The following ZNF143 variants were observed in gnomAD, a reference collection of about 807,000 sequenced individuals.
The protein encoded by ZNF143 is zinc finger protein 143.
Under a neutral mutation model 74.1 loss-of-function variants are expected in ZNF143, and 49 were observed. That is an observed-to-expected ratio of 0.66 (90% confidence interval 0.53 to 0.84). The LOEUF (loss-of-function observed/expected upper bound fraction) is 0.84. Among genes scored for constraint, ZNF143 ranks in the 40% least tolerant of loss-of-function variants. The pLI is 0.00. For missense variants in ZNF143, 637 were observed against 793.4 expected (o/e 0.80, Z 2.37); for synonymous variants, 304 against 282.8 (o/e 1.07, Z -0.75).
intron 10 of ZNF143, among the ~76,000 whole-genome samples, chr11:9,500,520 G>A (rs950556980): frequency 1.3e-5 from 2 of 151,508 alleles, no homozygotes; most frequent in South Asian, 2.1e-4. Flanking sequence ...TGCAACCTCC[G>A]CCTCTTGAGT....
intron 11 of ZNF143, among the ~76,000 whole-genome samples, chr11:9,508,145 A>G (rs994630189): frequency 6.6e-6 from 1 of 152,220 alleles, no homozygotes; most frequent in Non-Finnish European, 1.5e-5. Context: ...TAAATGAAAC[A>G]TGTTTGTCCT....
rs1166945674 is a variant in ZNF143, at chr11:9,497,598, T to G, written c.842-77T>G. 3 of 1,163,950 alleles carry G rather than the reference T, an allele frequency of 2.6e-6. No individual in the cohort carries two copies. The African/African-American group carries it at 4.8e-5, about 19-fold the overall frequency. 72.1% of individuals were successfully genotyped at this position (1,163,950 alleles called of 1,614,324 possible). ...ATTTTATACTTGGTATTGACTATAT[T>G]TTTCAGTAGCTTATTCTCAGTGTGC... On this transcript the variant is annotated intron_variant, in intron 9 of 15. Transcript: ENST00000396602.
intron 10 of ZNF143, among the ~76,000 whole-genome samples, chr11:9,500,041 C>T (rs1047853312): frequency 1.3e-5 from 2 of 152,174 alleles, no homozygotes; most frequent in Non-Finnish European, 2.9e-5. Flanking sequence ...TTCTTGTGCT[C>T]ATGTGATCCC....
At chr11:9,490,064 G>A (rs1847711495) in intron 7 of ZNF143, among the ~76,000 whole-genome samples, 1 of 151,688 alleles carries the variant, frequency 6.6e-6, no homozygotes, top group Non-Finnish European at 1.5e-5. Flanking sequence ...CTCACCTGTT[G>A]TCCTAACTAC....
chr11:9,513,923 A>G (rs1014061556), intron 13 of ZNF143, among the ~76,000 whole-genome samples: 6 of 152,168 alleles, frequency 3.9e-5, no homozygotes, highest in Admixed American at 2.6e-4. Context: ...AAAAGAGGCA[A>G]TCTGTTCCAT....
chr11:9,471,259 A>G (rs775392514), intron 1 of ZNF143, 43 bp from the exon 2 acceptor site: 14 of 1,460,988 alleles, frequency 9.6e-6, no homozygotes, highest in Admixed American at 2.0e-5. Flanking sequence ...TTCATTTCAC[A>G]TGTATCATTC....
intron 11 of ZNF143, among the ~76,000 whole-genome samples, chr11:9,501,903 C>T (rs976721126): frequency 1.1e-5 from 1 of 88,160 alleles, no homozygotes; most frequent in East Asian, 3.6e-4. Flanking sequence ...TGTGAGGGGG[C>T]GGGGTGGTCT....
rs1038393725 is a variant in ZNF143, at chr11:9,528,018, A to G, written c.*405A>G. 4 of 157,024 alleles carry G rather than the reference A, an allele frequency of 2.5e-5. No individual in the cohort carries two copies. Among genetic ancestry groups the G allele is most frequent in the African/African-American group, 9.6e-5 (4 of 41,522 alleles). The allele number at this position is 157,024 out of a possible 1,614,324, so 9.7% of individuals were successfully genotyped here. On this transcript the variant is annotated 3_prime_UTR_variant, in exon 16 of 16. Coordinates refer to ENST00000396602, the MANE Select transcript of ZNF143 (RefSeq NM_003442.6). ...ATATGTCACACAATCGTAATTCCAA[A>G]AGCCATTATGGATAATAAAGGGTGT...
rs1418828953 is a variant in ZNF143 at position 9,479,465 on chromosome 11, C to T, written c.571-7C>T. The T allele has an allele frequency of 3.7e-6, 6 of 1,608,198 alleles. No homozygotes were observed. In the South Asian group the frequency reaches 6.6e-5, roughly 18 times the overall value. On this transcript the variant is annotated splice_region_variant and splice_polypyrimidine_tract_variant and intron_variant, in intron 6 of 15. Transcript: ENST00000396602. ...AAACATTTTAAAGCTTTATTTTATTCCTATAGGTGTCCATTGATGGAAGTG... is the reference window on the plus strand; with the variant it reads ...AAACATTTTAAAGCTTTATTTTATTTCTATAGGTGTCCATTGATGGAAGTG...
intron 11 of ZNF143, among the ~76,000 whole-genome samples, chr11:9,502,226 G>A (rs1222624138): frequency 3.5e-5 from 5 of 141,002 alleles, no homozygotes; most frequent in Non-Finnish European, 6.1e-5. Context: ...GTGAGCCACC[G>A]CGCCTGGCCA....
intron 5 of ZNF143, among the ~76,000 whole-genome samples, chr11:9,474,939 T>C (rs73406266): frequency 0.054 from 8,175 of 152,168 alleles, 722 homozygotes; most frequent in African/African-American, 0.18. Flanking sequence ...CCAGGCTGGA[T>C]TGTGGTGGCA....
rs561953701 is a variant in ZNF143, at chr11:9,477,712, G to GA, written c.374-672dup. Among the ~76,000 whole-genome samples the GA allele has an allele frequency of 3.8e-4, 58 of 152,286 alleles. No homozygotes were observed. The South Asian group carries it at 0.01, about 27-fold the overall frequency. The stretch of plus-strand genomic sequence containing the variant: ...TATCTTAGTGTGGACATTTAGAGGG[G>GA]AAAAAACCACCATGGAGGGACTGTG... On this transcript the variant is annotated intron_variant, in intron 5 of 15. Transcript: ENST00000396602.
intron 1 of ZNF143, among the ~76,000 whole-genome samples, chr11:9,464,427 C>G (rs913797929): frequency 2.0e-4 from 31 of 152,030 alleles, no homozygotes; most frequent in African/African-American, 6.5e-4. Flanking sequence ...ATGGTGAAAC[C>G]CTGTCTCTAC....
At chr11:9,512,930 G>A (rs73406291) in intron 13 of ZNF143, among the ~76,000 whole-genome samples, 2,747 of 152,268 alleles carry the variant, frequency 0.018, 77 homozygotes, top group African/African-American at 0.061. Flanking sequence ...ATTAGATGCA[G>A]GAGGTGAGAT....
intron 1 of ZNF143, 154 bp from the exon 2 acceptor site, chr11:9,471,148 G>A (rs1237652337): frequency 3.7e-6 from 2 of 547,938 alleles, no homozygotes; most frequent in African/African-American, 2.0e-5. Context: ...TGGACTTTGG[G>A]CTAATACTCT....
At chr11:9,504,020 C>G (rs530270427) in intron 11 of ZNF143, among the ~76,000 whole-genome samples, 17 of 132,338 alleles carry the variant, frequency 1.3e-4, no homozygotes, top group Non-Finnish European at 2.4e-4. Context: ...AGTGCAGTGG[C>G]GCAATCTTGG....
intron 7 of ZNF143, among the ~76,000 whole-genome samples, chr11:9,488,907 T>A (rs2134005174): frequency 6.6e-6 from 1 of 152,266 alleles, no homozygotes; most frequent in East Asian, 1.9e-4. Flanking sequence ...AAAAAAAGAT[T>A]TATTTGGGAA....
At chr11:9,519,670 A>G (rs1848842776) in intron 14 of ZNF143, among the ~76,000 whole-genome samples, 2 of 152,198 alleles carry the variant, frequency 1.3e-5, no homozygotes, top group South Asian at 2.1e-4. Flanking sequence ...GTTTTTGACT[A>G]TTATGAATAA....
chr11:9,472,313 C>T (rs1048928786), intron 2 of ZNF143, among the ~76,000 whole-genome samples: 8 of 152,150 alleles, frequency 5.3e-5, no homozygotes, highest in Non-Finnish European at 1.0e-4. Flanking sequence ...AGGGCAGTGG[C>T]ACAATCTCGG....
Sources: allele counts gnomAD v4.1 joint callset (sites outside exome capture counted in the v4.1 genomes callset), GRCh38; gene constraint gnomAD v4.1.1; transcripts MANE v1.5; gene names NCBI Gene and HGNC (gene_info 2026-07-23, HGNC 2026-07-21).